The following GLRA2 variants were observed in gnomAD, a reference collection of about 807,000 sequenced individuals.
GLRA2 encodes glycine receptor subunit alpha-2.
Under a neutral mutation model 31.6 loss-of-function variants are expected in GLRA2, and 11 were observed. That is an observed-to-expected ratio of 0.35 (90% CI 0.22 to 0.58). The LOEUF (loss-of-function observed/expected upper bound fraction) is 0.58, where lower values mean the gene tolerates loss of function less well. Among genes scored for constraint, GLRA2 ranks in the 20% least tolerant of loss-of-function variants. The pLI, the probability that GLRA2 is intolerant of heterozygous loss-of-function variation, is 0.84. For missense variants in GLRA2, 212 were observed against 351.8 expected (o/e 0.60, Z 3.18); for synonymous variants, 132 against 134.0 (o/e 0.99, Z 0.10).
intron 8 of GLRA2, among the ~76,000 whole-genome samples, chrX:14,711,564 T>C (rs890052604): frequency 3.6e-5 from 4 of 112,579 alleles, no homozygotes; most frequent in African/African-American, 1.3e-4. Flanking sequence ...GACTTGCTCA[T>C]TGGAGCTCCT....
the GLRA2 span, among the ~76,000 whole-genome samples, chrX:14,460,884 T>G: frequency 9.0e-6 from 1 of 111,030 alleles, no homozygotes; most frequent in African/African-American, 3.3e-5. Flanking sequence ...TCTTAGTTAT[T>G]TCTTGTCTTC....
At chrX:14,721,523 A>G (rs756534207) in intron 8 of GLRA2, among the ~76,000 whole-genome samples, 13 of 111,411 alleles carry the variant, frequency 1.2e-4, no homozygotes, top group South Asian at 3.8e-4. Context: ...GTAGAAGCTT[A>G]TTGTTTAGAG....
intron 8 of GLRA2, among the ~76,000 whole-genome samples, chrX:14,720,736 TTAGTC>T (rs1469818746): frequency 8.9e-6 from 1 of 112,046 alleles, no homozygotes; most frequent in Non-Finnish European, 1.9e-5. Context: ...AGTAACCTTT[TTAGTC>T]TATTTATTGT....
chrX:14,599,203 A>G (rs1194170826), intron 4 of GLRA2, among the ~76,000 whole-genome samples: 3 of 112,810 alleles, frequency 2.7e-5, no homozygotes, highest in African/African-American at 9.6e-5. Context: ...CTGAATGCAC[A>G]GTGGAGGAAC....
intron 2 of GLRA2, among the ~76,000 whole-genome samples, chrX:14,535,269 G>T (rs190510076): frequency 3.6e-5 from 4 of 112,294 alleles, no homozygotes; most frequent in Non-Finnish European, 7.5e-5. Flanking sequence ...AAGGGAAAAA[G>T]AAGTGCATAA....
chrX:14,645,234 G>A (rs966025664), intron 7 of GLRA2, among the ~76,000 whole-genome samples: 1 of 111,719 alleles, frequency 9.0e-6, no homozygotes, highest in African/African-American at 3.3e-5. Flanking sequence ...TTGTAGGGTG[G>A]AGGGTATATA....
intron 8 of GLRA2, among the ~76,000 whole-genome samples, chrX:14,705,409 A>G (rs1356497611): frequency 8.9e-6 from 1 of 112,092 alleles, no homozygotes; most frequent in Non-Finnish European, 1.9e-5. Flanking sequence ...GCTGAACTCT[A>G]ATGAGTAGAG....
At chrX:14,683,448 C>T (rs2091239646) in intron 7 of GLRA2, among the ~76,000 whole-genome samples, 1 of 111,122 alleles carries the variant, frequency 9.0e-6, no homozygotes, top group Non-Finnish European at 1.9e-5. Context: ...TGGATATTAG[C>T]CCTTTGTCAG....
At chrX:14,693,597 T>G (rs1053362049) in intron 8 of GLRA2, among the ~76,000 whole-genome samples, 1 of 111,786 alleles carries the variant, frequency 8.9e-6, no homozygotes, top group African/African-American at 3.2e-5. Context: ...TATAAAACAT[T>G]TAACAACATA....
At chrX:14,475,007 A>G in the GLRA2 span, among the ~76,000 whole-genome samples, 1 of 111,761 alleles carries the variant, frequency 8.9e-6, no homozygotes, top group Non-Finnish European at 1.9e-5. Flanking sequence ...AAATCATGGC[A>G]CTGGTCTGAA....
chrX:14,509,920 T>C, the GLRA2 span, among the ~76,000 whole-genome samples: 1 of 111,648 alleles, frequency 9.0e-6, no homozygotes, highest in Non-Finnish European at 1.9e-5. Flanking sequence ...GAGGGGAAAG[T>C]AATGTTTGCT....
At chrX:14,572,843 G>C (rs773429619) in intron 2 of GLRA2, among the ~76,000 whole-genome samples, 4 of 111,939 alleles carry the variant, frequency 3.6e-5, no homozygotes, top group Admixed American at 1.9e-4. Context: ...GGTGAAAGAA[G>C]AGAAAAACAC....
chrX:14,681,277 T>C (rs1192152988), intron 7 of GLRA2, among the ~76,000 whole-genome samples: 1 of 112,062 alleles, frequency 8.9e-6, no homozygotes, highest in Non-Finnish European at 1.9e-5. Flanking sequence ...TGGGTAACAG[T>C]ATATCATTCA....
At chrX:14,624,369 T>C (rs1294199001) in intron 7 of GLRA2, among the ~76,000 whole-genome samples, 1 of 111,610 alleles carries the variant, frequency 9.0e-6, no homozygotes, top group African/African-American at 3.3e-5. Context: ...GCTCTGATCT[T>C]AAGTTATTTC....
At chrX:14,579,280 A>T in intron 3 of GLRA2, among the ~76,000 whole-genome samples, 1 of 111,413 alleles carries the variant, frequency 9.0e-6, no homozygotes, top group Middle Eastern at 4.6e-3. Context: ...GCAGGTAGCT[A>T]CATTTCTTAT....
the GLRA2 span, among the ~76,000 whole-genome samples, chrX:14,462,892 C>G: frequency 9.0e-6 from 1 of 111,376 alleles, no homozygotes; most frequent in South Asian, 3.8e-4. Flanking sequence ...CCTTTGCTGG[C>G]AAGGAGTTGT....
At chrX:14,547,307 G>C (rs986940388) in intron 2 of GLRA2, among the ~76,000 whole-genome samples, 6 of 110,929 alleles carry the variant, frequency 5.4e-5, no homozygotes, top group Non-Finnish European at 1.1e-4. Context: ...AGGGAGTGCA[G>C]AGCTCAAAAT....
At chrX:14,509,015 C>T in the GLRA2 span, among the ~76,000 whole-genome samples, 1 of 111,608 alleles carries the variant, frequency 9.0e-6, no homozygotes, top group South Asian at 3.8e-4. Flanking sequence ...CTGTGTTACC[C>T]CTCACTTCTC....
chrX:14,541,100 C>T (rs2089397968), intron 2 of GLRA2, among the ~76,000 whole-genome samples: 3 of 111,979 alleles, frequency 2.7e-5, no homozygotes, highest in Admixed American at 9.4e-5. Flanking sequence ...CTTGTCCCTA[C>T]AGTAATTCCC....
Sources: allele counts gnomAD v4.1 joint callset (sites outside exome capture counted in the v4.1 genomes callset), GRCh38; gene constraint gnomAD v4.1.1; transcripts MANE v1.5; gene names NCBI Gene and HGNC (gene_info 2026-07-23, HGNC 2026-07-21).